Variants in ATP13A5 observed in about 807,000 individuals in gnomAD.
ATP13A5 encodes the protein ATPase 13A5.
A neutral mutation model predicts 150.2 loss-of-function variants in ATP13A5; 149 were observed. That is an observed-to-expected ratio of 0.99 (90% CI 0.87 to 1.14). The LOEUF (loss-of-function observed/expected upper bound fraction) is 1.14, where lower values mean the gene tolerates loss of function less well. Ranked by LOEUF, ATP13A5 falls within the 50% of genes most tolerant of loss-of-function variation. The probability of loss-of-function intolerance (pLI) is 0.00; values close to 1 mark genes in which losing one functional copy is unlikely to be tolerated. For synonymous variants in ATP13A5, 497 were observed against 522.2 expected (o/e 0.95, Z 0.66); for missense variants, 1,383 against 1,449.3 (o/e 0.95, Z 0.74).
Position 193,307,201 on chromosome 3 carries a change from T to C in ATP13A5, c.2568+126A>G, listed in dbSNP as rs1049673679. 544 of 1,553,284 alleles carry C rather than the reference T, an allele frequency of 3.5e-4. No individual in the cohort carries two copies. In the Middle Eastern group the frequency reaches 3.9e-3, roughly 11 times the overall value. ...CAACCCACACTCAGGTAGAGGTGGA[T>C]ATAAACAGCAAAATAATCAAATGGT... On this transcript the variant is annotated intron_variant, in intron 22 of 29. Transcript: ENST00000342358.
Position 193,333,743 on chromosome 3 carries a change from T to G in ATP13A5, c.1272+7A>C. ...TACTATTGAAAAGCCTTACCCCCAG[T>G]ACTTACTCCATGGTACATATATACC... is the stretch of plus-strand genomic sequence containing the variant. On this transcript the variant is annotated splice_region_variant and intron_variant, in intron 11 of 29. Transcript: ENST00000342358. 1 of 1,612,548 alleles carries G rather than the reference T, an allele frequency of 6.2e-7. No individual in the cohort carries two copies.
intron 22 of ATP13A5, among the ~76,000 whole-genome samples, chr3:193,306,511 A>G (rs1252433157): frequency 2.0e-5 from 3 of 152,218 alleles, no homozygotes; most frequent in Non-Finnish European, 4.4e-5. Context: ...TCTAGCTATA[A>G]ACACAGTTTT....
intron 11 of ATP13A5, among the ~76,000 whole-genome samples, chr3:193,332,766 C>A (rs1711684342): frequency 6.6e-6 from 1 of 152,094 alleles, no homozygotes; most frequent in Non-Finnish European, 1.5e-5. Context: ...GGTTCTGACC[C>A]ACAAGAAGTT....
intron 20 of ATP13A5, 103 bp downstream of exon 20, chr3:193,311,709 TCTAA>T: frequency 6.8e-7 from 1 of 1,479,942 alleles, no homozygotes; most frequent in South Asian, 1.3e-5. Flanking sequence ...GTGTTTATTC[TCTAA>T]CTGTGAGGCA....
At position 193,334,946 on chromosome 3, in the gene ATP13A5, G is replaced by A. The variant is rs935181304; in HGVS notation, c.1097C>T (p.Ala366Val). ...VKPSGQGPVR[A>V]VVLQTGYNTA... ...CCACTAACCTGTTTGCAAAACGACTGCTCGTACAGGCCCCTGCCCAGAGGG... is the reference window on the plus strand; with the variant it reads ...CCACTAACCTGTTTGCAAAACGACTACTCGTACAGGCCCCTGCCCAGAGGG... Residue 366 changes from alanine (A) to valine (V), a missense_variant, in exon 10 of 30, where the codon GCA becomes GTA. Ala to Val is a moderately conservative substitution (Grantham distance 64). Transcript: ENST00000342358. 6 of 1,613,206 alleles carry A rather than the reference G, an allele frequency of 3.7e-6. No individual in the cohort carries two copies. In the African/African-American group the frequency reaches 8.0e-5, roughly 22 times the overall value.
At chr3:193,288,882 A>T (rs901753389) in intron 26 of ATP13A5, among the ~76,000 whole-genome samples, 4 of 152,134 alleles carry the variant, frequency 2.6e-5, no homozygotes, top group Non-Finnish European at 4.4e-5. Context: ...AGAGTCAGGA[A>T]TTCTTAGAAT....
chr3:193,342,538 T>C (rs899178273), intron 9 of ATP13A5, among the ~76,000 whole-genome samples: 1 of 152,220 alleles, frequency 6.6e-6, no homozygotes, highest in African/African-American at 2.4e-5. Context: ...TGCTGATGAG[T>C]TCGTTTTTCC....
chr3:193,287,150 A>G (rs528875381), intron 26 of ATP13A5, among the ~76,000 whole-genome samples: 2 of 152,248 alleles, frequency 1.3e-5, no homozygotes, highest in Admixed American at 6.5e-5. Flanking sequence ...TAAGACTGAG[A>G]GAAAGAAGGT....
At chr3:193,374,976 G>C (rs1157327936) in intron 1 of ATP13A5, among the ~76,000 whole-genome samples, 1 of 152,050 alleles carries the variant, frequency 6.6e-6, no homozygotes, top group Non-Finnish European at 1.5e-5. Context: ...GCCCTCACCA[G>C]GTGTGGTCCC....
chr3:193,362,131 C>T (rs984316298), intron 5 of ATP13A5, among the ~76,000 whole-genome samples: 1 of 152,118 alleles, frequency 6.6e-6, no homozygotes, highest in South Asian at 2.1e-4. Flanking sequence ...AAAAAAACAA[C>T]ACAAAGATGA....
chr3:193,370,215 A>G (rs1560154149), intron 1 of ATP13A5, among the ~76,000 whole-genome samples: 1 of 152,224 alleles, frequency 6.6e-6, no homozygotes, highest in Non-Finnish European at 1.5e-5. Flanking sequence ...AGTCTGGATT[A>G]GGAATAGCAG....
At chr3:193,348,915 A>G (rs1712457056) in intron 7 of ATP13A5, among the ~76,000 whole-genome samples, 2 of 152,180 alleles carry the variant, frequency 1.3e-5, no homozygotes, top group African/African-American at 4.8e-5. Flanking sequence ...GGCTAAGGCC[A>G]CTGTTACTGG....
At chr3:193,331,067 CA>C in intron 12 of ATP13A5, 55 bp downstream of exon 12, 2 of 1,543,618 alleles carry the variant, frequency 1.3e-6, no homozygotes, top group Non-Finnish European at 1.8e-6. Flanking sequence ...AGGTTCTTCC[CA>C]GCTCCACCAT....
intron 1 of ATP13A5, 143 bp from the exon 2 acceptor site, chr3:193,364,423 CT>C: frequency 1.1e-6 from 1 of 947,176 alleles, no homozygotes; most frequent in Non-Finnish European, 1.6e-6. Flanking sequence ...AAGTTGACTG[CT>C]TGCAGCTGTC....
intron 9 of ATP13A5, 55 bp downstream of exon 9, chr3:193,343,872 G>C: frequency 6.3e-7 from 1 of 1,579,854 alleles, no homozygotes. Context: ...GTGAGGATAT[G>C]TTGATCTGAT....
chr3:193,288,557 A>C (rs2108825407), intron 26 of ATP13A5, among the ~76,000 whole-genome samples: 1 of 149,896 alleles, frequency 6.7e-6, no homozygotes, highest in East Asian at 2.0e-4. Context: ...TTTTTTAGAC[A>C]TAATGCTATT....
chr3:193,331,529 C>A (rs527647454), intron 11 of ATP13A5, among the ~76,000 whole-genome samples: 1 of 152,168 alleles, frequency 6.6e-6, no homozygotes, highest in Non-Finnish European at 1.5e-5. Context: ...CTCTCTCCCC[C>A]ACTAGCCTAC....
chr3:193,336,921 T>C (rs574192329), intron 9 of ATP13A5, among the ~76,000 whole-genome samples: 38 of 152,340 alleles, frequency 2.5e-4, no homozygotes, highest in Non-Finnish European at 4.9e-4. Context: ...TTTTTAATGA[T>C]TGCCATTCTA....
intron 1 of ATP13A5, among the ~76,000 whole-genome samples, chr3:193,369,602 G>A (rs1368243500): frequency 8.7e-6 from 1 of 115,498 alleles, no homozygotes. Flanking sequence ...ATGCAGGGTA[G>A]AGGAGAGAGC....
Sources: gnomAD v4.1 joint callset for allele counts (sites outside exome capture counted in the v4.1 genomes callset) on GRCh38, gnomAD v4.1.1 for gene constraint, MANE v1.5 for transcripts, NCBI Gene and HGNC (gene_info 2026-07-23, HGNC 2026-07-21) for gene names.